The following MSI2 variants were observed in gnomAD, a reference collection of about 807,000 sequenced individuals.
MSI2 encodes RNA-binding protein Musashi homolog 2.
In MSI2, 17 loss-of-function variants were observed where a neutral mutation model predicts 45.6. That is an observed-to-expected ratio of 0.37 (90% CI 0.26 to 0.56). MSI2 has a LOEUF of 0.56. Ranked by LOEUF, MSI2 falls within the 20% of genes least tolerant of loss-of-function variation. MSI2 has a pLI of 0.77. For missense variants in MSI2, 293 were observed against 444.2 expected (o/e 0.66, Z 3.06); for synonymous variants, 156 against 158.2 (o/e 0.99, Z 0.11).
intron 5 of MSI2, among the ~76,000 whole-genome samples, chr17:57,396,360 C>T (rs1384372310): frequency 6.6e-6 from 1 of 151,794 alleles, no homozygotes; most frequent in East Asian, 1.9e-4. Context: ...TTCTAACCTC[C>T]CCTTACCCCA....
At chr17:57,329,556 ATGTAACTG>A (rs1248147848) in intron 5 of MSI2, among the ~76,000 whole-genome samples, 2 of 152,166 alleles carry the variant, frequency 1.3e-5, no homozygotes, top group Non-Finnish European at 2.9e-5. Flanking sequence ...TTTTACTAGG[ATGTAACTG>A]TGGGTGTTTG....
At chr17:57,451,333 C>G (rs144990688) in intron 6 of MSI2, among the ~76,000 whole-genome samples, 59 of 152,216 alleles carry the variant, frequency 3.9e-4, no homozygotes, top group Non-Finnish European at 6.9e-4. Flanking sequence ...GAAGCCACCC[C>G]CTCCTTTGTC....
At chr17:57,511,267 C>T (rs756777978) in intron 6 of MSI2, among the ~76,000 whole-genome samples, 1 of 152,094 alleles carries the variant, frequency 6.6e-6, no homozygotes, top group Admixed American at 6.5e-5. Context: ...GTCATGCAGA[C>T]GTCAGGGTGG....
At chr17:57,465,205 T>C (rs2085307379) in intron 6 of MSI2, among the ~76,000 whole-genome samples, 1 of 152,176 alleles carries the variant, frequency 6.6e-6, no homozygotes. Context: ...CTCAGGCCTA[T>C]AATCCCAGTA....
At chr17:57,467,082 C>T (rs78970868) in intron 6 of MSI2, among the ~76,000 whole-genome samples, 2,492 of 152,302 alleles carry the variant, frequency 0.016, 79 homozygotes, top group African/African-American at 0.056. Context: ...CCCTACTCAC[C>T]TTGAGAAGGT....
In MSI2 at chr17:57,679,952, A is replaced by T. The variant is rs1227600541; in HGVS notation, c.*435A>T. The T allele has an allele frequency of 2.4e-5, 5 of 212,572 alleles. No individual in the cohort carries two copies. In the South Asian group the frequency reaches 5.7e-4, roughly 24 times the overall value. The allele number at this position is 212,572 out of a possible 1,614,324, so 13.2% of individuals were successfully genotyped here. The stretch of plus-strand genomic sequence containing the variant: ...TTAAGGAGTTATTTTTTCTTAAAAC[A>T]TTTTTTTTTGCTTGTTTTGGTTCTG... On this transcript the variant is annotated 3_prime_UTR_variant, in exon 14 of 14. Coordinates refer to ENST00000284073, the MANE Select transcript of MSI2 (RefSeq NM_138962.4).
intron 5 of MSI2, among the ~76,000 whole-genome samples, chr17:57,293,175 C>A (rs76685377): frequency 0.037 from 5,624 of 152,046 alleles, 327 homozygotes; most frequent in African/African-American, 0.12. Flanking sequence ...TTCAGAGCCA[C>A]CCCTGGGTGA....
At chr17:57,698,926 T>C in the MSI2 span, among the ~76,000 whole-genome samples, 29,177 of 133,964 alleles carry the variant, frequency 0.22, 4,187 homozygotes, top group African/African-American at 0.37. Flanking sequence ...TGTGTGTGTG[T>C]GTGTGTGTGT....
At chr17:57,493,540 G>A (rs1307315709) in intron 6 of MSI2, among the ~76,000 whole-genome samples, 1 of 151,576 alleles carries the variant, frequency 6.6e-6, no homozygotes, top group African/African-American at 2.4e-5. Flanking sequence ...TATGGGCACC[G>A]TTGCATTGCC....
At chr17:57,410,085 G>A (rs559485700) in intron 6 of MSI2, among the ~76,000 whole-genome samples, 4 of 149,772 alleles carry the variant, frequency 2.7e-5, no homozygotes, top group South Asian at 2.1e-4. Flanking sequence ...ATTCCTCCTC[G>A]TAGGGAGAAG....
chr17:57,522,070 T>C (rs2144014025), intron 6 of MSI2, among the ~76,000 whole-genome samples: 1 of 152,270 alleles, frequency 6.6e-6, no homozygotes, highest in South Asian at 2.1e-4. Flanking sequence ...AGACAGTGCC[T>C]TCCCATGTTC....
intron 7 of MSI2, among the ~76,000 whole-genome samples, chr17:57,594,638 C>T (rs1258408543): frequency 6.6e-6 from 1 of 152,164 alleles, no homozygotes; most frequent in Non-Finnish European, 1.5e-5. Context: ...AATAGGATAG[C>T]GTTCCCAGCA....
intron 7 of MSI2, among the ~76,000 whole-genome samples, chr17:57,531,584 C>A (rs147736131): frequency 6.6e-6 from 1 of 152,196 alleles, no homozygotes; most frequent in African/African-American, 2.4e-5. Flanking sequence ...GAGTTTGGCA[C>A]CTGGTGTTCA....
At chr17:57,575,050 T>C (rs1021170138) in intron 7 of MSI2, among the ~76,000 whole-genome samples, 6 of 151,966 alleles carry the variant, frequency 3.9e-5, no homozygotes, top group South Asian at 2.1e-4. Flanking sequence ...CAGGATGGTC[T>C]CAATCTCCTG....
chr17:57,379,610 TTCTCCTCCCTTTTACC>T (rs1172201122), intron 5 of MSI2, among the ~76,000 whole-genome samples: 1 of 152,136 alleles, frequency 6.6e-6, no homozygotes, highest in East Asian at 1.9e-4. Context: ...TCGGATTGGC[TTCTCCTCCCTTTTACC>T]TCTCACCACA....
At chr17:57,358,736 A>C (rs1849747291) in intron 5 of MSI2, among the ~76,000 whole-genome samples, 1 of 152,216 alleles carries the variant, frequency 6.6e-6, no homozygotes. Context: ...AAATAAAAGA[A>C]GTGCTGATTT....
chr17:57,603,490 CT>C (rs1254955156), intron 8 of MSI2, among the ~76,000 whole-genome samples: 1 of 152,222 alleles, frequency 6.6e-6, no homozygotes, highest in African/African-American at 2.4e-5. Context: ...GGATGGCTGC[CT>C]TTTGCAGCTT....
chr17:57,503,536 A>C (rs1690026765), intron 6 of MSI2, among the ~76,000 whole-genome samples: 1 of 152,228 alleles, frequency 6.6e-6, no homozygotes, highest in Non-Finnish European at 1.5e-5. Flanking sequence ...CACATTTGTC[A>C]ACTAGCCCAA....
intron 6 of MSI2, among the ~76,000 whole-genome samples, chr17:57,477,666 G>A (rs1567847528): frequency 6.6e-6 from 1 of 152,206 alleles, no homozygotes; most frequent in African/African-American, 2.4e-5. Context: ...CACCCAAGGG[G>A]ACTAGACTAA....
Sources: gnomAD v4.1 joint callset for allele counts (sites outside exome capture counted in the v4.1 genomes callset) on GRCh38, gnomAD v4.1.1 for gene constraint, MANE v1.5 for transcripts, NCBI Gene and HGNC (gene_info 2026-07-23, HGNC 2026-07-21) for gene names.